GNA14: variants seen among roughly 807,000 people sequenced by gnomAD.
The protein encoded by GNA14 is G protein subunit alpha 14.
A neutral mutation model predicts 42.0 loss-of-function variants in GNA14; 50 were observed. That is an observed-to-expected ratio of 1.19 (90% CI 0.95 to 1.51). The LOEUF is 1.51. GNA14 is among the 40% of genes most tolerant of loss of function. The probability of loss-of-function intolerance (pLI) is 0.00; values close to 1 mark genes in which losing one functional copy is unlikely to be tolerated. For synonymous variants in GNA14, 173 were observed against 163.1 expected, an observed-to-expected ratio of 1.06 and a Z score of -0.46; for missense variants, 473 against 446.2, an observed-to-expected ratio of 1.06 and a Z score of -0.54.
At chr9:77,556,943 A>T (rs912870244) in intron 1 of GNA14, among the ~76,000 whole-genome samples, 1 of 152,204 alleles carries the variant, frequency 6.6e-6, no homozygotes, top group African/African-American at 2.4e-5. Context: ...AGAAGTTACA[A>T]AATCAGTACA....
intron 2 of GNA14, among the ~76,000 whole-genome samples, chr9:77,501,690 T>C (rs551568995): frequency 6.6e-6 from 1 of 151,844 alleles, no homozygotes; most frequent in Non-Finnish European, 1.5e-5. Flanking sequence ...GACTTTTTCT[T>C]TGTTGTTCAG....
chr9:77,515,983 A>AAAAAAAAAAAAAAAAAAC (rs1276481734), intron 2 of GNA14, among the ~76,000 whole-genome samples: 15 of 145,450 alleles, frequency 1.0e-4, no homozygotes, highest in East Asian at 4.4e-4. Context: ...AAAAAAAAAA[A>AAAAAAAAAAAAAAAAAAC]CCCAGAGCAG....
intron 2 of GNA14, chr9:77,526,496 G>A (rs1242923046): frequency 6.6e-6 from 1 of 152,184 alleles, no homozygotes; most frequent in South Asian, 2.1e-4. Flanking sequence ...TGGTGTCCTT[G>A]TAAGAAAAGG....
intron 1 of GNA14, among the ~76,000 whole-genome samples, chr9:77,624,888 T>C (rs746779147): frequency 1.2e-4 from 18 of 151,538 alleles, no homozygotes; most frequent in African/African-American, 3.2e-4. Context: ...GGGAACAAAA[T>C]TGGATGGAGA....
intron 1 of GNA14, among the ~76,000 whole-genome samples, chr9:77,535,304 G>A (rs1837580968): frequency 6.6e-6 from 1 of 151,350 alleles, no homozygotes; most frequent in Admixed American, 6.6e-5. Flanking sequence ...TTTGGGAGGC[G>A]GAGGCGGAGG....
At chr9:77,460,868 T>C (rs17063658) in intron 2 of GNA14, among the ~76,000 whole-genome samples, 2,687 of 152,296 alleles carry the variant, frequency 0.018, 52 homozygotes, top group African/African-American at 0.048. Flanking sequence ...CTTTGTTTTT[T>C]TGTAAATTGG....
At chr9:77,427,830 GC>G (rs1461133458) in intron 5 of GNA14, among the ~76,000 whole-genome samples, 2 of 152,198 alleles carry the variant, frequency 1.3e-5, no homozygotes, top group African/African-American at 2.4e-5. Context: ...ATCCCAGACA[GC>G]CCCAGAACAG....
intron 1 of GNA14, among the ~76,000 whole-genome samples, chr9:77,529,543 T>C (rs973270413): frequency 1.1e-4 from 16 of 152,212 alleles, no homozygotes; most frequent in Admixed American, 9.8e-4. Context: ...GAAAGCTTTG[T>C]CACTGCGAAG....
intron 1 of GNA14, among the ~76,000 whole-genome samples, chr9:77,582,508 C>A (rs374167362): frequency 1.3e-5 from 2 of 152,224 alleles, no homozygotes; most frequent in African/African-American, 4.8e-5. Context: ...TTTGAACTTA[C>A]AGTTTGCCAT....
intron 1 of GNA14, among the ~76,000 whole-genome samples, chr9:77,589,415 TTG>T (rs1823355026): frequency 6.6e-6 from 1 of 152,224 alleles, no homozygotes; most frequent in Admixed American, 6.5e-5. Flanking sequence ...GTTTTTTTGT[TTG>T]TTTGTTTTTG....
At chr9:77,451,764 C>T (rs527564296) in intron 2 of GNA14, among the ~76,000 whole-genome samples, 8 of 152,312 alleles carry the variant, frequency 5.3e-5, no homozygotes, top group Non-Finnish European at 1.0e-4. Context: ...AGCAAGAACC[C>T]GAGATTCTTT....
At chr9:77,564,945 G>A (rs552697028) in intron 1 of GNA14, among the ~76,000 whole-genome samples, 149 of 152,050 alleles carry the variant, frequency 9.8e-4, no homozygotes, top group Non-Finnish European at 1.6e-3. Context: ...ACATACATAC[G>A]TATTCACAGA....
chr9:77,455,053 G>A lies in GNA14; in HGVS notation c.310-20531C>T, dbSNP rs1214559254. On this transcript the variant is annotated intron_variant, in intron 2 of 6. Transcript: ENST00000341700. ...CTGTAGGTCGGAAGTCCAGGCAATG[G>A]TATAACTGGGTTCTCTGTGCAAGGT... 3.3e-5 allele frequency among the ~76,000 whole-genome samples: 5 copies of A among 152,284 alleles called. No individual in the cohort carries two copies. In the East Asian group the frequency reaches 9.7e-4, roughly 29 times the overall value.
At chr9:77,496,815 T>G (rs1483954903) in intron 2 of GNA14, among the ~76,000 whole-genome samples, 1 of 152,204 alleles carries the variant, frequency 6.6e-6, no homozygotes, top group African/African-American at 2.4e-5. Context: ...AATTTTATGC[T>G]TCACTCATGG....
At chr9:77,424,379 C>T (rs1341613809) in intron 6 of GNA14, among the ~76,000 whole-genome samples, 2 of 152,142 alleles carry the variant, frequency 1.3e-5, no homozygotes, top group Admixed American at 6.5e-5. Context: ...CGTACCACCA[C>T]ACACAGCTAA....
chr9:77,478,849 T>C (rs1364291685), intron 2 of GNA14, among the ~76,000 whole-genome samples: 1 of 152,240 alleles, frequency 6.6e-6, no homozygotes, highest in African/African-American at 2.4e-5. Flanking sequence ...TCTGTTCATA[T>C]CCTTTGCCCA....
At chr9:77,431,989 C>T (rs1448609827) in intron 3 of GNA14, among the ~76,000 whole-genome samples, 1 of 152,134 alleles carries the variant, frequency 6.6e-6, no homozygotes. Flanking sequence ...CTTGAAGACA[C>T]TGGGAAACTA....
intron 1 of GNA14, 118 bp downstream of exon 1, chr9:77,647,552 G>A (rs1308140110): frequency 1.5e-5 from 17 of 1,169,548 alleles, no homozygotes; most frequent in East Asian, 5.4e-5. Context: ...AGGGGGAGAA[G>A]GACGAAGCCG....
At chr9:77,484,849 G>A (rs72730880) in intron 2 of GNA14, among the ~76,000 whole-genome samples, 4,317 of 152,188 alleles carry the variant, frequency 0.028, 81 homozygotes, top group Non-Finnish European at 0.042. Context: ...AGTCTATTAA[G>A]TGTGCAATAG....
Sources: allele counts gnomAD v4.1 joint callset (sites outside exome capture counted in the v4.1 genomes callset), GRCh38; gene constraint gnomAD v4.1.1; transcripts MANE v1.5; gene names NCBI Gene and HGNC (gene_info 2026-07-23, HGNC 2026-07-21).